DNAJC25: variants seen among roughly 807,000 people sequenced by gnomAD.
DNAJC25 encodes the protein dnaJ homolog subfamily C member 25.
Under a neutral mutation model 42.1 loss-of-function variants are expected in DNAJC25, and 26 were observed. That is an observed-to-expected ratio of 0.62 (90% confidence interval 0.45 to 0.86). The LOEUF is 0.86. Among genes scored for constraint, DNAJC25 ranks in the 40% least tolerant of loss-of-function variants. The pLI, the probability that DNAJC25 is intolerant of heterozygous loss-of-function variation, is 0.00. For synonymous variants in DNAJC25, 189 were observed against 179.9 expected (o/e 1.05, Z -0.40); for missense variants, 404 against 459.4 (o/e 0.88, Z 1.10).
At chr9:111,637,023 T>C (rs1022377619) in intron 1 of DNAJC25, among the ~76,000 whole-genome samples, 3 of 152,170 alleles carry the variant, frequency 2.0e-5, no homozygotes, top group African/African-American at 7.2e-5. Flanking sequence ...CCAATCAGAG[T>C]TCTTAATCAA....
chr9:111,647,023 A>T, intron 1 of DNAJC25, 84 bp from the exon 2 acceptor site: 1 of 1,371,436 alleles, frequency 7.3e-7, no homozygotes, highest in Non-Finnish European at 9.6e-7. Context: ...ATAATTATAA[A>T]ATTCTATATG....
chr9:111,631,367 G>C lies in DNAJC25; in HGVS notation c.-41G>C, dbSNP rs1228285913. 1 of 1,271,698 alleles carries C rather than the reference G, an allele frequency of 7.9e-7. No individual in the cohort carries two copies. The highest frequency in any genetic ancestry group is 9.9e-7 in the Non-Finnish European group (1 of 1,013,514). 78.8% of individuals were successfully genotyped at this position (1,271,698 alleles called of 1,614,324 possible). ...CTAGCCGGGCGCGCGGCTGAGTGCT[G>C]CAGAATCGCTGGGGTGGCAGAGCCG... On this transcript the variant is annotated 5_prime_UTR_variant, in exon 1 of 4. Transcript: ENST00000313525.
intron 1 of DNAJC25, among the ~76,000 whole-genome samples, chr9:111,639,999 C>A (rs1016457911): frequency 1.3e-5 from 2 of 150,700 alleles, no homozygotes; most frequent in Admixed American, 1.3e-4. Context: ...CGAAGCTGGA[C>A]TGTACTGCTG....
intron 1 of DNAJC25, among the ~76,000 whole-genome samples, chr9:111,644,193 A>C (rs1197499033): frequency 1.3e-5 from 2 of 152,226 alleles, no homozygotes; most frequent in African/African-American, 4.8e-5. Context: ...AAAACCATCC[A>C]AAGAGAAGTC....
intron 1 of DNAJC25, among the ~76,000 whole-genome samples, chr9:111,635,985 G>C (rs563915668): frequency 2.3e-4 from 35 of 152,262 alleles, no homozygotes; most frequent in Admixed American, 5.2e-4. Flanking sequence ...GACTGACATA[G>C]GGGCTTGGAG....
intron 1 of DNAJC25, among the ~76,000 whole-genome samples, chr9:111,644,393 A>T (rs1830533201): frequency 6.6e-6 from 1 of 152,218 alleles, no homozygotes; most frequent in South Asian, 2.1e-4. Flanking sequence ...AAAGTCAATA[A>T]TCTAGAAACC....
At chr9:111,632,519 G>A (rs958818328) in intron 1 of DNAJC25, among the ~76,000 whole-genome samples, 10 of 152,166 alleles carry the variant, frequency 6.6e-5, no homozygotes, top group African/African-American at 2.4e-4. Context: ...ATTGAGTCTT[G>A]TGGGGATGAG....
At position 111,649,541 on chromosome 9, in the gene DNAJC25, A is replaced by G. The variant is rs921977631; in HGVS notation, c.578A>G (p.Lys193Arg). The G allele has an allele frequency of 6.2e-7, 1 of 1,614,114 alleles. No individual in the cohort carries two copies. The highest frequency in any genetic ancestry group is 1.3e-5 in the African/African-American group (1 of 75,048). ...KYRIQATEIA[K>R]QQGLLKKAKE... ...CGTATCCAAGCTACAGAGATTGCCA[A>G]GCAGCAGGGACTGCTCAAAAAAGCC... The change falls in exon 3 of 4, where the codon AAG (lysine) becomes AGG (arginine). Residue 193 changes from lysine to arginine, a missense_variant. Physicochemically the swap from Lys to Arg is conservative, Grantham distance 26. Coordinates refer to ENST00000313525, the MANE Select transcript of DNAJC25 (RefSeq NM_001015882.3).
Position 111,631,389 on chromosome 9 carries a change from G to T in DNAJC25, c.-19G>T, listed in dbSNP as rs892918593. ...GCTGCAGAATCGCTGGGGTGGCAGA[G>T]CCGCCAGCGAGGCTGGGGATGGGGG... On this transcript the variant is annotated 5_prime_UTR_variant, in exon 1 of 4. Coordinates refer to ENST00000313525, the MANE Select transcript of DNAJC25 (RefSeq NM_001015882.3). The T allele has an allele frequency of 2.7e-5, 35 of 1,273,602 alleles. No homozygotes were observed. Among genetic ancestry groups the T allele is most frequent in the African/African-American group, 4.7e-5 (3 of 64,450 alleles). 78.9% of individuals were successfully genotyped at this position (1,273,602 alleles called of 1,614,324 possible). A position where few individuals can be genotyped will look rare whatever the true frequency, so the allele number is the denominator to read the frequency against.
At chr9:111,640,988 C>T (rs1215531919) in intron 1 of DNAJC25, among the ~76,000 whole-genome samples, 10 of 95,394 alleles carry the variant, frequency 1.0e-4, no homozygotes, top group Admixed American at 3.2e-4. Flanking sequence ...CCGTGCCGTC[C>T]GGGAGGGAGG....
At chr9:111,651,261 CT>C (rs1179895468) in intron 3 of DNAJC25, among the ~76,000 whole-genome samples, 5 of 75,408 alleles carry the variant, frequency 6.6e-5, no homozygotes, top group East Asian at 1.6e-3. Flanking sequence ...GAGACTCTAT[CT>C]CAAAAAAAAA....
intron 1 of DNAJC25, among the ~76,000 whole-genome samples, chr9:111,644,163 G>A (rs1047410646): frequency 6.6e-6 from 1 of 152,184 alleles, no homozygotes; most frequent in African/African-American, 2.4e-5. Context: ...TCATAAATTT[G>A]TGGTGACCCT....
intron 3 of DNAJC25, 141 bp from the exon 4 acceptor site, chr9:111,652,959 T>TATTTTA (rs1589350288): frequency 1.5e-5 from 10 of 668,206 alleles, no homozygotes; most frequent in Non-Finnish European, 2.0e-5. Flanking sequence ...AATTGTTTAG[T>TATTTTA]ATTTTAGGTG....
intron 1 of DNAJC25, among the ~76,000 whole-genome samples, chr9:111,639,898 C>T (rs1024557673): frequency 3.2e-4 from 17 of 53,228 alleles, no homozygotes; most frequent in African/African-American, 1.0e-3. Flanking sequence ...CAAGGAGGAG[C>T]TCTCCCTCTC....
intron 1 of DNAJC25, among the ~76,000 whole-genome samples, chr9:111,645,451 T>G (rs756598952): frequency 3.3e-5 from 5 of 152,082 alleles, no homozygotes; most frequent in Admixed American, 6.5e-5. Flanking sequence ...AATGGGATTT[T>G]GCCATGTTGG....
intron 2 of DNAJC25, among the ~76,000 whole-genome samples, 182 bp from the exon 3 acceptor site, chr9:111,649,271 C>A (rs914862419): frequency 6.6e-6 from 1 of 152,186 alleles, no homozygotes; most frequent in African/African-American, 2.4e-5. Context: ...GCCTTCAGAT[C>A]CTGTGTACGC....
In DNAJC25 at chr9:111,649,538, C is replaced by T. The variant is rs1307524183; in HGVS notation, c.575C>T (p.Ala192Val). Residue 192 changes from alanine (A) to valine (V), a missense_variant, in exon 3 of 4, where the codon GCC becomes GTC. Coordinates refer to ENST00000313525, the MANE Select transcript of DNAJC25 (RefSeq NM_001015882.3). ...TACCGTATCCAAGCTACAGAGATTG[C>T]CAAGCAGCAGGGACTGCTCAAAAAA... is the stretch of plus-strand genomic sequence containing the variant. ...PKYRIQATEIAKQQGLLKKAK... is the reference protein window; with the variant it reads ...PKYRIQATEIVKQQGLLKKAK... 1.2e-6 allele frequency: 2 copies of T among 1,613,718 alleles called. No homozygotes were observed. The highest frequency in any genetic ancestry group is 1.7e-6 in the Non-Finnish European group (2 of 1,179,938).
Position 111,631,514 on chromosome 9 carries a change from C to T in DNAJC25, c.107C>T (p.Ala36Val), listed in dbSNP as rs1830274835. ...LLPALLLVRP[A>V]GALVEGLYCG... Reference sequence around the variant, plus strand: ...CCGGCGCTGCTGCTGGTGCGGCCCGCGGGGGCCCTGGTGGAGGGGCTCTAC... The same window carrying T: ...CCGGCGCTGCTGCTGGTGCGGCCCGTGGGGGCCCTGGTGGAGGGGCTCTAC... The change falls in exon 1 of 4, where the codon GCG (alanine) becomes GTG (valine). Residue 36 changes from alanine to valine, a missense_variant. Transcript: ENST00000313525. 2.2e-5 allele frequency: 29 copies of T among 1,333,452 alleles called. No homozygotes were observed. Among genetic ancestry groups the T allele is most frequent in the Non-Finnish European group, 2.8e-5 (29 of 1,048,480 alleles). 82.6% of individuals were successfully genotyped at this position (1,333,452 alleles called of 1,614,324 possible).
At chr9:111,639,922 CTCTCCCTCTCCGTCTCCGTCTCCG>C (rs1487292889) in intron 1 of DNAJC25, among the ~76,000 whole-genome samples, 1 of 132,894 alleles carries the variant, frequency 7.5e-6, no homozygotes, top group Non-Finnish European at 1.7e-5. Context: ...CTCCCTCTCC[CTCTCCCTCTCCGTCTCCGTCTCCG>C]TCTCCGTCTC....
Sources: allele counts gnomAD v4.1 joint callset (sites outside exome capture counted in the v4.1 genomes callset), GRCh38; gene constraint gnomAD v4.1.1; transcripts MANE v1.5; gene names NCBI Gene and HGNC (gene_info 2026-07-23, HGNC 2026-07-21).